The following ZNF469 variants were observed in gnomAD, a reference collection of about 807,000 sequenced individuals.
The protein encoded by ZNF469 is zinc finger protein 469.
ZNF469 carries 1 observed loss-of-function variant against 1.0 expected under a neutral mutation model. The ratio of observed to expected loss-of-function variants is 1.00; its 90% CI spans 0.35 to 4.73. The LOEUF (loss-of-function observed/expected upper bound fraction) is 4.73. ZNF469 is among the 30% of genes most tolerant of loss of function. The pLI, the probability that ZNF469 is intolerant of heterozygous loss-of-function variation, is 0.16. For synonymous variants in ZNF469, 2,703 were observed against 2,363.4 expected, an observed-to-expected ratio of 1.14 and a Z score of -4.17; for missense variants, 6,100 against 5,356.3, an observed-to-expected ratio of 1.14 and a Z score of -4.33.
the ZNF469 span, among the ~76,000 whole-genome samples, chr16:88,136,846 G>C: frequency 6.6e-6 from 1 of 152,238 alleles, no homozygotes; most frequent in African/African-American, 2.4e-5. Flanking sequence ...GTTTGTACCT[G>C]AGTGATGACT....
the ZNF469 span, among the ~76,000 whole-genome samples, chr16:88,316,094 CA>C: frequency 3.9e-5 from 6 of 152,266 alleles, no homozygotes; most frequent in South Asian, 2.1e-4. Context: ...GGGCAGAGAG[CA>C]GGGCCGGCCG....
At position 88,433,836 on chromosome 16, in the gene ZNF469, C is replaced by T; in HGVS notation, c.6366C>T (p.His2122=). 1.9e-6 allele frequency: 3 copies of T among 1,549,862 alleles called. No individual in the cohort carries two copies. Among genetic ancestry groups the T allele is most frequent in the Non-Finnish European group, 2.6e-6 (3 of 1,146,780 alleles). The change falls in exon 3 of 3, where the codon CAC becomes CAT. Residue 2122 remains histidine, a synonymous_variant. Coordinates refer to ENST00000565624, the MANE Select transcript of ZNF469 (RefSeq NM_001367624.2). ...ACAPSPTSAA[H]MPCSLGPLPR... Reference sequence around the variant, plus strand: ...CCCCCTCACCCACTTCAGCCGCCCACATGCCCTGCAGCCTTGGGCCCCTGC... The same window carrying T: ...CCCCCTCACCCACTTCAGCCGCCCATATGCCCTGCAGCCTTGGGCCCCTGC...
chr16:88,125,052 T>C, the ZNF469 span, among the ~76,000 whole-genome samples: 3 of 152,200 alleles, frequency 2.0e-5, no homozygotes, highest in Admixed American at 6.5e-5. Context: ...CATTTCAAGA[T>C]ACTTTGTGTG....
chr16:88,193,510 G>C, the ZNF469 span: 1 of 152,322 alleles, frequency 6.6e-6, no homozygotes, highest in South Asian at 2.1e-4. Context: ...ATTAGCCTGG[G>C]CACTACACAG....
At chr16:88,333,290 A>G in the ZNF469 span, among the ~76,000 whole-genome samples, 1 of 151,320 alleles carries the variant, frequency 6.6e-6, no homozygotes, top group South Asian at 2.1e-4. Context: ...GAGTCACGGA[A>G]GAGGGGCCCA....
At chr16:88,407,281 G>A (rs896262437) in intron 1 of ZNF469, among the ~76,000 whole-genome samples, 9 of 152,238 alleles carry the variant, frequency 5.9e-5, no homozygotes, top group South Asian at 2.1e-4. Flanking sequence ...CCAGGGATCC[G>A]TCCGGAACCG....
the ZNF469 span, among the ~76,000 whole-genome samples, chr16:88,193,288 ATGG>A: frequency 0.27 from 28,623 of 105,320 alleles, 3,257 homozygotes; most frequent in East Asian, 0.52. Context: ...GGTGGTGGAG[ATGG>A]TGGTGGTGGG....
At chr16:88,388,030 A>T (rs1904383767) in intron 1 of ZNF469, among the ~76,000 whole-genome samples, 2 of 152,252 alleles carry the variant, frequency 1.3e-5, no homozygotes, top group South Asian at 4.1e-4. Context: ...GGTTTGCGTT[A>T]CCAAGTGGGG....
chr16:88,196,531 A>G, the ZNF469 span, among the ~76,000 whole-genome samples: 1 of 152,076 alleles, frequency 6.6e-6, no homozygotes, highest in Admixed American at 6.5e-5. Context: ...CCCCAACTAA[A>G]ACCCACTTCC....
At chr16:88,404,784 A>C (rs1443620313) in intron 1 of ZNF469, among the ~76,000 whole-genome samples, 1 of 152,166 alleles carries the variant, frequency 6.6e-6, no homozygotes, top group African/African-American at 2.4e-5. Context: ...CCCTCAGGAC[A>C]GCCAGTGCAG....
At chr16:88,158,909 A>C in the ZNF469 span, among the ~76,000 whole-genome samples, 545 of 150,648 alleles carry the variant, frequency 3.6e-3, 3 homozygotes, top group African/African-American at 0.011. Context: ...GGGCCTTCCG[A>C]CATCCTCCTT....
At chr16:88,284,362 G>A in the ZNF469 span, among the ~76,000 whole-genome samples, 22 of 152,130 alleles carry the variant, frequency 1.4e-4, no homozygotes, top group African/African-American at 3.9e-4. Context: ...TGGTCTCTTC[G>A]ACCGAGGGAT....
chr16:88,173,504 TC>T, the ZNF469 span, among the ~76,000 whole-genome samples: 1 of 152,212 alleles, frequency 6.6e-6, no homozygotes, highest in African/African-American at 2.4e-5. Flanking sequence ...TCTTTATTTT[TC>T]TTCTTTCAGC....
At chr16:88,344,002 A>G in the ZNF469 span, among the ~76,000 whole-genome samples, 1 of 151,616 alleles carries the variant, frequency 6.6e-6, no homozygotes, top group South Asian at 2.1e-4. Flanking sequence ...TGGACGGGAC[A>G]TGATCAGATG....
chr16:88,285,093 T>C, the ZNF469 span, among the ~76,000 whole-genome samples: 1 of 152,232 alleles, frequency 6.6e-6, no homozygotes, highest in African/African-American at 2.4e-5. Context: ...ACATGCCTCA[T>C]ACCCGTCAGC....
chr16:88,240,086 GT>G, the ZNF469 span, among the ~76,000 whole-genome samples: 1 of 150,666 alleles, frequency 6.6e-6, no homozygotes, highest in Non-Finnish European at 1.5e-5. Context: ...ATGCCCATTG[GT>G]GACTGACCCT....
chr16:88,424,378 C>T lies in ZNF469; in HGVS notation c.-191-429C>T, dbSNP rs181129464. Among the ~76,000 whole-genome samples, 7 of 152,276 alleles carry T rather than the reference C, an allele frequency of 4.6e-5. No individual in the cohort carries two copies. The highest frequency in any genetic ancestry group is 2.0e-4 in the Admixed American group (3 of 15,298). On this transcript the variant is annotated intron_variant, in intron 1 of 2. Transcript: ENST00000565624. The surrounding 1 kb of genome is among the most constrained non-coding windows in gnomAD (Gnocchi z 4.3). ...GTGTGCTGGTGTTTGCATCCAGGGA[C>T]TCTGGGAGGAAACACCAGAAGCTCC... is the stretch of plus-strand genomic sequence containing the variant.
At chr16:88,291,754 G>A in the ZNF469 span, among the ~76,000 whole-genome samples, 70 of 152,210 alleles carry the variant, frequency 4.6e-4, no homozygotes, top group Admixed American at 4.4e-3. Flanking sequence ...AAATGGAGCC[G>A]CCATATTGGA....
the ZNF469 span, among the ~76,000 whole-genome samples, chr16:88,122,473 A>G: frequency 0.99 from 148,813 of 149,676 alleles, 73,975 homozygotes; most frequent in Non-Finnish European, 1. Context: ...CACTCTGATC[A>G]CATTCCCGTC....
Sources: allele counts gnomAD v4.1 joint callset (sites outside exome capture counted in the v4.1 genomes callset), GRCh38; gene constraint gnomAD v4.1.1; non-coding constraint Gnocchi (gnomAD v3.1); transcripts MANE v1.5; gene names NCBI Gene and HGNC (gene_info 2026-07-23, HGNC 2026-07-21).